SEMA5A: variants seen among roughly 807,000 people sequenced by gnomAD.
SEMA5A encodes semaphorin 5A, also known as semaphorin-5A.
SEMA5A carries 55 observed loss-of-function variants against 135.5 expected under a neutral mutation model. That is an observed-to-expected ratio of 0.41 (90% CI 0.33 to 0.51). The LOEUF (loss-of-function observed/expected upper bound fraction) is 0.51, where lower values mean the gene tolerates loss of function less well. Among genes scored for constraint, SEMA5A ranks in the 20% least tolerant of loss-of-function variants. SEMA5A has a pLI of 0.37. For missense variants in SEMA5A, 1,290 were observed against 1,419.9 expected (o/e 0.91, Z 1.47); for synonymous variants, 580 against 546.5 (o/e 1.06, Z -0.85).
intron 5 of SEMA5A, among the ~76,000 whole-genome samples, chr5:9,271,012 C>G (rs1749947056): frequency 6.6e-6 from 1 of 152,058 alleles, no homozygotes; most frequent in Non-Finnish European, 1.5e-5. Context: ...CGGTTTTGTT[C>G]TCTGTCCCCA....
chr5:9,193,513 A>G (rs1561006526), intron 10 of SEMA5A, among the ~76,000 whole-genome samples: 1 of 152,220 alleles, frequency 6.6e-6, no homozygotes, highest in Non-Finnish European at 1.5e-5. Flanking sequence ...ACACTAGTGC[A>G]TGGTGGTCAA....
intron 16 of SEMA5A, among the ~76,000 whole-genome samples, chr5:9,079,026 T>A (rs1738225921): frequency 6.6e-6 from 1 of 152,088 alleles, no homozygotes; most frequent in African/African-American, 2.4e-5. Flanking sequence ...TAAATATAAA[T>A]AAAAATAAAT....
chr5:9,501,269 A>G (rs1735581270), intron 1 of SEMA5A, among the ~76,000 whole-genome samples: 3 of 152,220 alleles, frequency 2.0e-5, no homozygotes, highest in Admixed American at 1.3e-4. Context: ...ACAGAAAACT[A>G]AAGTCTATGC....
intron 1 of SEMA5A, among the ~76,000 whole-genome samples, chr5:9,485,193 G>A (rs1004905940): frequency 2.6e-5 from 4 of 151,848 alleles, no homozygotes; most frequent in Admixed American, 2.0e-4. Context: ...CTGCCTCTAG[G>A]TGGGACCATG....
At chr5:9,110,878 T>A (rs1332090019) in intron 15 of SEMA5A, among the ~76,000 whole-genome samples, 1 of 152,118 alleles carries the variant, frequency 6.6e-6, no homozygotes, top group African/African-American at 2.4e-5. Flanking sequence ...CACTGGACAT[T>A]CCTACACGTA....
intron 3 of SEMA5A, among the ~76,000 whole-genome samples, chr5:9,355,578 T>C (rs1484975095): frequency 6.6e-6 from 1 of 152,190 alleles, no homozygotes; most frequent in African/African-American, 2.4e-5. Context: ...AATCCAATAG[T>C]TCTTTCCTGG....
intron 1 of SEMA5A, among the ~76,000 whole-genome samples, chr5:9,453,303 C>T (rs1758713733): frequency 6.6e-6 from 1 of 152,188 alleles, no homozygotes. Context: ...TGACAACAGG[C>T]ATTCCCAGCC....
chr5:9,124,620 T>C (rs1410557445), intron 13 of SEMA5A, among the ~76,000 whole-genome samples: 2 of 152,106 alleles, frequency 1.3e-5, no homozygotes, highest in African/African-American at 4.8e-5. Context: ...CCACACCAGC[T>C]AATTTTTATA....
At chr5:9,342,967 C>A (rs1753715056) in intron 3 of SEMA5A, among the ~76,000 whole-genome samples, 1 of 152,104 alleles carries the variant, frequency 6.6e-6, no homozygotes. Flanking sequence ...TGGAAAATTA[C>A]AGGAAGAAAG....
rs1735778480 is a variant in SEMA5A, at chr5:9,038,597, T to C, written c.*4300A>G. On this transcript the variant is annotated 3_prime_UTR_variant, in exon 23 of 23. Transcript: ENST00000382496. ...ATTCAAATGCTAACAAGGCTGTGTT[T>C]AGACAAAACGATTAGCTGAGTATAG... is the stretch of plus-strand genomic sequence containing the variant. 1 of 152,222 alleles carries C rather than the reference T, an allele frequency of 6.6e-6. No homozygotes were observed. Among genetic ancestry groups the C allele is most frequent in the Non-Finnish European group, 1.5e-5 (1 of 68,038 alleles). The allele number at this position is 152,222 out of a possible 1,614,324, so 9.4% of individuals were successfully genotyped here.
intron 2 of SEMA5A, among the ~76,000 whole-genome samples, chr5:9,402,100 T>G (rs1467548939): frequency 6.6e-6 from 1 of 152,208 alleles, no homozygotes; most frequent in East Asian, 1.9e-4. Flanking sequence ...GGCCCATCTA[T>G]CTCTCTTAAT....
chr5:9,046,601 C>G (rs1736269830), intron 21 of SEMA5A, among the ~76,000 whole-genome samples: 1 of 152,188 alleles, frequency 6.6e-6, no homozygotes, highest in South Asian at 2.1e-4. Flanking sequence ...GCTGATAGGC[C>G]CCAGGGAAGC....
intron 4 of SEMA5A, among the ~76,000 whole-genome samples, chr5:9,333,917 T>C (rs1242404480): frequency 1.3e-5 from 2 of 152,014 alleles, no homozygotes; most frequent in Non-Finnish European, 2.9e-5. Flanking sequence ...TTAAAGAGAC[T>C]GGGGGAAAAC....
At chr5:9,190,631 T>C in intron 10 of SEMA5A, among the ~76,000 whole-genome samples, 160 bp from the exon 11 acceptor site, 1 of 152,140 alleles carries the variant, frequency 6.6e-6, no homozygotes, top group East Asian at 1.9e-4. Context: ...CTGCAGCCCC[T>C]ATCCTTAGCA....
At chr5:9,221,008 G>C (rs1009215331) in intron 8 of SEMA5A, among the ~76,000 whole-genome samples, 3 of 152,126 alleles carry the variant, frequency 2.0e-5, no homozygotes, top group Non-Finnish European at 2.9e-5. Flanking sequence ...CACTCCTCCT[G>C]TTTCTGCTGA....
At chr5:9,055,882 A>G (rs1253007405) in intron 18 of SEMA5A, among the ~76,000 whole-genome samples, 2 of 147,542 alleles carry the variant, frequency 1.4e-5, no homozygotes, top group East Asian at 3.9e-4. Flanking sequence ...TAAAAATTAA[A>G]AAAAAAAAAA....
intron 11 of SEMA5A, among the ~76,000 whole-genome samples, chr5:9,187,579 A>G (rs1029834105): frequency 6.6e-6 from 1 of 152,204 alleles, no homozygotes; most frequent in African/African-American, 2.4e-5. Flanking sequence ...CAATCCAACT[A>G]GTGAGAGATG....
intron 5 of SEMA5A, among the ~76,000 whole-genome samples, chr5:9,316,569 T>C (rs1181536505): frequency 6.6e-6 from 1 of 152,204 alleles, no homozygotes; most frequent in African/African-American, 2.4e-5. Flanking sequence ...AATATGTAGT[T>C]TCTATCTACT....
At chr5:9,281,550 G>C (rs1183334131) in intron 5 of SEMA5A, among the ~76,000 whole-genome samples, 1 of 152,254 alleles carries the variant, frequency 6.6e-6, no homozygotes, top group Non-Finnish European at 1.5e-5. Flanking sequence ...AGAAACCCTA[G>C]TTTATATGAA....
Sources: allele counts gnomAD v4.1 joint callset (sites outside exome capture counted in the v4.1 genomes callset), GRCh38; gene constraint gnomAD v4.1.1; transcripts MANE v1.5; gene names NCBI Gene and HGNC (gene_info 2026-07-23, HGNC 2026-07-21).